ANKS1B: variants seen among roughly 807,000 people sequenced by gnomAD.
The protein encoded by ANKS1B is ankyrin repeat and sterile alpha motif domain containing 1B.
ANKS1B carries 36 observed loss-of-function variants against 148.3 expected under a neutral mutation model. That is an observed-to-expected ratio of 0.24 (90% CI 0.19 to 0.32). ANKS1B has a LOEUF of 0.32. ANKS1B is among the 10% of genes least tolerant of loss of function. The pLI is 1.00. For missense variants in ANKS1B, 1,157 were observed against 1,542.6 expected (o/e 0.75, Z 4.19); for synonymous variants, 542 against 560.8 (o/e 0.97, Z 0.47).
intron 17 of ANKS1B, among the ~76,000 whole-genome samples, chr12:98,977,073 T>C (rs2099897853): frequency 1.3e-5 from 2 of 152,206 alleles, no homozygotes; most frequent in African/African-American, 2.4e-5. Flanking sequence ...TAGCTGGCAA[T>C]AATACATCAG....
chr12:99,320,149 T>C (rs1444723514), intron 12 of ANKS1B, among the ~76,000 whole-genome samples: 1 of 152,204 alleles, frequency 6.6e-6, no homozygotes. Context: ...TCAATTTTGG[T>C]GAATCTGACA....
intron 1 of ANKS1B, among the ~76,000 whole-genome samples, chr12:99,875,682 T>C (rs2091979292): frequency 6.6e-6 from 1 of 152,194 alleles, no homozygotes; most frequent in Non-Finnish European, 1.5e-5. Context: ...GACTTAAAGA[T>C]ATTTTCCTGA....
At chr12:99,062,141 G>A (rs2042653562) in intron 16 of ANKS1B, among the ~76,000 whole-genome samples, 1 of 152,200 alleles carries the variant, frequency 6.6e-6, no homozygotes, top group Non-Finnish European at 1.5e-5. Flanking sequence ...ACAGGTAAGA[G>A]TGTTGGCAAC....
chr12:99,602,409 A>T (rs566497766), intron 9 of ANKS1B, among the ~76,000 whole-genome samples: 2 of 152,198 alleles, frequency 1.3e-5, no homozygotes, highest in East Asian at 3.9e-4. Flanking sequence ...GATATTTAAC[A>T]ATAGTCATTT....
At chr12:98,963,306 G>T (rs1229754661) in intron 17 of ANKS1B, among the ~76,000 whole-genome samples, 1 of 151,448 alleles carries the variant, frequency 6.6e-6, no homozygotes, top group Non-Finnish European at 1.5e-5. Flanking sequence ...CAGCCTCCTG[G>T]GTAACTGGGA....
chr12:98,754,475 A>G (rs574875819), intron 25 of ANKS1B, among the ~76,000 whole-genome samples: 2 of 152,122 alleles, frequency 1.3e-5, no homozygotes, highest in Non-Finnish European at 2.9e-5. Context: ...TGTTCATGCT[A>G]CTGTGGAAGA....
intron 17 of ANKS1B, among the ~76,000 whole-genome samples, chr12:98,962,322 T>C (rs2099872772): frequency 6.6e-6 from 1 of 150,952 alleles, no homozygotes; most frequent in African/African-American, 2.4e-5. Flanking sequence ...ACAAAAACTA[T>C]AAGAAGAGAC....
At chr12:99,673,045 C>G (rs1365384895) in intron 8 of ANKS1B, among the ~76,000 whole-genome samples, 1 of 152,066 alleles carries the variant, frequency 6.6e-6, no homozygotes, top group Non-Finnish European at 1.5e-5. Flanking sequence ...TCCATACCCT[C>G]AAAAAGGTCA....
intron 2 of ANKS1B, among the ~76,000 whole-genome samples, chr12:99,823,648 G>A (rs764322934): frequency 1.8e-4 from 28 of 152,090 alleles, no homozygotes; most frequent in Middle Eastern, 3.2e-3. Flanking sequence ...AGTCTCTATC[G>A]TGAAGTATTT....
At chr12:99,528,535 A>G (rs774996135) in intron 9 of ANKS1B, among the ~76,000 whole-genome samples, 6 of 152,146 alleles carry the variant, frequency 3.9e-5, no homozygotes, top group Non-Finnish European at 7.3e-5. Context: ...TCTAATCCCA[A>G]ATCTATAAAA....
intron 1 of ANKS1B, among the ~76,000 whole-genome samples, chr12:99,827,362 A>G (rs978058125): frequency 6.6e-6 from 1 of 152,138 alleles, no homozygotes; most frequent in Non-Finnish European, 1.5e-5. Flanking sequence ...ATACAGAGAT[A>G]GAGAACAAAA....
intron 14 of ANKS1B, among the ~76,000 whole-genome samples, chr12:99,226,730 T>C (rs1566677884): frequency 6.6e-6 from 1 of 152,096 alleles, no homozygotes; most frequent in Non-Finnish European, 1.5e-5. Flanking sequence ...GGTGAGAAGT[T>C]AGAAGGTGAA....
In ANKS1B at chr12:98,829,405, G is replaced by A; in HGVS notation, c.2887-52C>T. On this transcript the variant is annotated intron_variant, in intron 18 of 26. Coordinates refer to ENST00000683438, the MANE Select transcript of ANKS1B (RefSeq NM_001352186.2). The surrounding 1 kb of genome is among the most constrained non-coding windows in gnomAD (Gnocchi z 5.2). ...ATACCATGTTCTGTGGCTAACCTTT[G>A]GTTTCAAAATTGTGAAATACTGACA... 6.4e-7 allele frequency: 1 copy of A among 1,566,762 alleles called. No homozygotes were observed. Among genetic ancestry groups the A allele is most frequent in the Non-Finnish European group, 8.7e-7 (1 of 1,152,814 alleles).
chr12:99,294,490 C>T (rs1000460702), intron 12 of ANKS1B, among the ~76,000 whole-genome samples: 2 of 152,000 alleles, frequency 1.3e-5, no homozygotes, highest in Non-Finnish European at 2.9e-5. Flanking sequence ...ATTGAATCCA[C>T]GGAGACAGAG....
chr12:99,568,834 G>T (rs891860339), intron 9 of ANKS1B, among the ~76,000 whole-genome samples: 2 of 152,190 alleles, frequency 1.3e-5, no homozygotes, highest in Non-Finnish European at 2.9e-5. Context: ...GCACACAGTG[G>T]CTTTCCTAGA....
intron 9 of ANKS1B, among the ~76,000 whole-genome samples, chr12:99,619,867 A>G (rs1166218832): frequency 6.6e-6 from 1 of 152,134 alleles, no homozygotes; most frequent in Non-Finnish European, 1.5e-5. Flanking sequence ...CTGCCATTGG[A>G]GGACCTGTTG....
intron 17 of ANKS1B, among the ~76,000 whole-genome samples, chr12:98,935,991 G>A (rs887512612): frequency 9.9e-5 from 15 of 152,088 alleles, no homozygotes; most frequent in East Asian, 5.8e-4. Flanking sequence ...AATTTCTTTC[G>A]TTTATAATAA....
intron 9 of ANKS1B, among the ~76,000 whole-genome samples, chr12:99,565,318 G>C (rs2097377596): frequency 6.6e-6 from 1 of 152,160 alleles, no homozygotes; most frequent in Non-Finnish European, 1.5e-5. Context: ...AATCCATTAA[G>C]TGCAGCTCCT....
intron 17 of ANKS1B, among the ~76,000 whole-genome samples, chr12:98,946,368 T>A (rs1363298087): frequency 1.3e-5 from 2 of 152,242 alleles, no homozygotes; most frequent in African/African-American, 2.4e-5. Flanking sequence ...CTTTTGTTTG[T>A]TTAATCCTGT....
Sources: gnomAD v4.1 joint callset for allele counts (sites outside exome capture counted in the v4.1 genomes callset) on GRCh38, gnomAD v4.1.1 for gene constraint, Gnocchi (gnomAD v3.1) non-coding constraint, MANE v1.5 for transcripts, NCBI Gene and HGNC (gene_info 2026-07-23, HGNC 2026-07-21) for gene names.